The following DNAAF6 variants were observed in gnomAD, a reference collection of about 807,000 sequenced individuals.
DNAAF6 encodes the protein PIH1 domain containing 3.
Under a neutral mutation model 13.7 loss-of-function variants are expected in DNAAF6, and 3 were observed. The observed-to-expected ratio is 0.22, with a 90% confidence interval of 0.10 to 0.56. The LOEUF (loss-of-function observed/expected upper bound fraction) is 0.56. Among genes scored for constraint, DNAAF6 ranks in the 20% least tolerant of loss-of-function variants. DNAAF6 has a pLI of 0.92. For synonymous variants in DNAAF6, 54 were observed against 49.2 expected, an observed-to-expected ratio of 1.10 and a Z score of -0.41; for missense variants, 130 against 151.0, an observed-to-expected ratio of 0.86 and a Z score of 0.73.
intron 2 of DNAAF6, among the ~76,000 whole-genome samples, chrX:107,215,783 C>T (rs1927962941): frequency 9.0e-6 from 1 of 111,342 alleles, no homozygotes; most frequent in East Asian, 2.8e-4. Flanking sequence ...TGCTAGTTGG[C>T]CAGTAGGCAA....
intron 5 of DNAAF6, among the ~76,000 whole-genome samples, chrX:107,232,944 G>A (rs1055161516): frequency 1.8e-5 from 2 of 110,562 alleles, no homozygotes; most frequent in African/African-American, 6.6e-5. Context: ...GTTTCGCCAT[G>A]TTGCCCAGGC....
At chrX:107,241,152 G>A (rs980130407) in intron 6 of DNAAF6, among the ~76,000 whole-genome samples, 12 of 111,857 alleles carry the variant, frequency 1.1e-4, no homozygotes, top group Non-Finnish European at 1.1e-4. Flanking sequence ...TTCATTATGC[G>A]AATATGCTGG....
intron 5 of DNAAF6, among the ~76,000 whole-genome samples, chrX:107,223,685 T>C (rs1928197789): frequency 9.0e-6 from 1 of 111,595 alleles, no homozygotes; most frequent in Admixed American, 9.6e-5. Flanking sequence ...AGATGTGTAA[T>C]ATTTTTTTCT....
intron 1 of DNAAF6, among the ~76,000 whole-genome samples, chrX:107,210,791 C>T (rs1343979288): frequency 1.8e-5 from 2 of 111,285 alleles, no homozygotes; most frequent in African/African-American, 6.5e-5. Context: ...AGGAAGAATG[C>T]ACTCCAAGGT....
At chrX:107,236,199 G>A (rs1569376567) in intron 5 of DNAAF6, among the ~76,000 whole-genome samples, 3 of 111,649 alleles carry the variant, frequency 2.7e-5, no homozygotes, top group Non-Finnish European at 5.6e-5. Context: ...TGATTCCAAA[G>A]GTTGAGTTCT....
chrX:107,240,663 G>A (rs1158582196), intron 6 of DNAAF6, among the ~76,000 whole-genome samples: 1 of 111,594 alleles, frequency 9.0e-6, no homozygotes, highest in Non-Finnish European at 1.9e-5. Flanking sequence ...AATAAATAAA[G>A]CAGTTTACCA....
At chrX:107,237,713 G>A (rs1928546478) in intron 5 of DNAAF6, among the ~76,000 whole-genome samples, 1 of 112,147 alleles carries the variant, frequency 8.9e-6, no homozygotes, top group South Asian at 3.7e-4. Context: ...GGCCGGGCGC[G>A]TGGCTTACCC....
rs1322280191 is a variant in DNAAF6 at position 107,206,669 on chromosome X, A to G, written c.-25A>G. Reference sequence around the variant, plus strand: ...CACAGTCTATTTTCGGAGCCTAGCCAGAGACGGGAAAACTGACCAAGGTGA... The same window carrying G: ...CACAGTCTATTTTCGGAGCCTAGCCGGAGACGGGAAAACTGACCAAGGTGA... On this transcript the variant is annotated 5_prime_UTR_variant, in exon 1 of 7. Coordinates refer to ENST00000372453, the MANE Select transcript of DNAAF6 (RefSeq NM_173494.2). 1 of 111,423 alleles carries G rather than the reference A, an allele frequency of 9.0e-6. No homozygotes were observed. Among genetic ancestry groups the G allele is most frequent in the Non-Finnish European group, 1.9e-5 (1 of 53,114 alleles). 9.2% of individuals were successfully genotyped at this position (111,423 alleles called of 1,213,427 possible).
rs1927988652 is a variant in DNAAF6 at position 107,216,520 on chromosome X, C to T, written c.154-151C>T. Reference sequence around the variant, plus strand: ...GCATATTCGAAATAGTACTTGACATCTGTCTTTCTGTTTTATAACAATGAT... The same window carrying T: ...GCATATTCGAAATAGTACTTGACATTTGTCTTTCTGTTTTATAACAATGAT... On this transcript the variant is annotated intron_variant, in intron 2 of 6. Transcript: ENST00000372453. The T allele has an allele frequency of 1.0e-5, 4 of 385,216 alleles. No individual in the cohort carries two copies. In the South Asian group the frequency reaches 2.8e-4, roughly 27 times the overall value. 31.7% of individuals were successfully genotyped at this position (385,216 alleles called of 1,213,427 possible). A position where few individuals can be genotyped will look rare whatever the true frequency, so the allele number is the denominator to read the frequency against.
intron 5 of DNAAF6, among the ~76,000 whole-genome samples, chrX:107,233,932 G>T (rs1256381005): frequency 8.9e-6 from 1 of 111,844 alleles, no homozygotes; most frequent in Non-Finnish European, 1.9e-5. Flanking sequence ...GGAATGATTT[G>T]GGAGTCTGAG....
In DNAAF6 at chrX:107,243,468, GT is replaced by G; in HGVS notation, c.*172del. ...CATTTACAGTAATTTCTATTACTCT[GT>G]TAGGAAATATGTTTCCTTGGCCAGG... On this transcript the variant is annotated 3_prime_UTR_variant, in exon 7 of 7. Transcript: ENST00000372453. 1.5e-6 allele frequency: 1 copy of G among 651,575 alleles called. No homozygotes were observed. 53.7% of individuals were successfully genotyped at this position (651,575 alleles called of 1,213,427 possible). A position where few individuals can be genotyped will look rare whatever the true frequency, so the allele number is the denominator to read the frequency against.
intron 1 of DNAAF6, chrX:107,207,236 CT>C (rs1446215818): frequency 1.8e-5 from 2 of 111,417 alleles, no homozygotes; most frequent in African/African-American, 6.5e-5. Flanking sequence ...GGCCCCAGTA[CT>C]TACTACGTGA....
intron 1 of DNAAF6, among the ~76,000 whole-genome samples, chrX:107,211,345 T>C (rs772053043): frequency 8.9e-6 from 1 of 112,460 alleles, no homozygotes; most frequent in Non-Finnish European, 1.9e-5. Flanking sequence ...TTATTTTTGT[T>C]GTCATGATTT....
chrX:107,235,407 AT>A (rs760648511), intron 5 of DNAAF6, among the ~76,000 whole-genome samples: 3 of 110,983 alleles, frequency 2.7e-5, no homozygotes, highest in East Asian at 2.8e-4. Context: ...AACTAATAAG[AT>A]TTTTTTTAAT....
chrX:107,222,737 T>C lies in DNAAF6; in HGVS notation c.333-8T>C. On this transcript the variant is annotated splice_polypyrimidine_tract_variant and splice_region_variant and intron_variant, in intron 4 of 6. Coordinates refer to ENST00000372453, the MANE Select transcript of DNAAF6 (RefSeq NM_173494.2). The stretch of plus-strand genomic sequence containing the variant: ...TCTGAGTCCCTATAATCATTGATTT[T>C]TTTTCAGGTATGAGATTATATTCAG... 8.4e-7 allele frequency: 1 copy of C among 1,192,676 alleles called. No individual in the cohort carries two copies. The highest frequency in any genetic ancestry group is 1.1e-6 in the Non-Finnish European group (1 of 888,448).
intron 5 of DNAAF6, among the ~76,000 whole-genome samples, chrX:107,235,848 T>C (rs1928501756): frequency 9.0e-6 from 1 of 111,580 alleles, no homozygotes; most frequent in Non-Finnish European, 1.9e-5. Flanking sequence ...AATAAGTGGC[T>C]GGGCATGGTG....
intron 4 of DNAAF6, among the ~76,000 whole-genome samples, chrX:107,221,921 T>G (rs1232147308): frequency 9.3e-6 from 1 of 107,010 alleles, no homozygotes; most frequent in East Asian, 2.9e-4. Context: ...ATAATAATAA[T>G]AATAATAATA....
intron 5 of DNAAF6, among the ~76,000 whole-genome samples, chrX:107,226,769 A>G (rs1020526747): frequency 1.2e-4 from 13 of 111,597 alleles, no homozygotes; most frequent in Non-Finnish European, 2.1e-4. Flanking sequence ...ATAGATCTAT[A>G]TTGATAAGGC....
intron 5 of DNAAF6, among the ~76,000 whole-genome samples, chrX:107,236,656 A>G (rs1368813017): frequency 8.9e-6 from 1 of 112,155 alleles, no homozygotes; most frequent in East Asian, 2.8e-4. Context: ...ATTGCCCTTC[A>G]CTAGAACAGC....
Sources: gnomAD v4.1 joint callset for allele counts (sites outside exome capture counted in the v4.1 genomes callset) on GRCh38, gnomAD v4.1.1 for gene constraint, MANE v1.5 for transcripts, NCBI Gene and HGNC (gene_info 2026-07-23, HGNC 2026-07-21) for gene names.